Variants in MAPKAP1 observed in about 807,000 individuals in gnomAD.
The protein encoded by MAPKAP1 is MAPK associated protein 1.
MAPKAP1 carries 20 observed loss-of-function variants against 65.7 expected under a neutral mutation model. That is an observed-to-expected ratio of 0.30 (90% CI 0.21 to 0.44). The LOEUF (loss-of-function observed/expected upper bound fraction) is 0.44, where lower values mean the gene tolerates loss of function less well. MAPKAP1 is among the 20% of genes least tolerant of loss of function. The pLI, the probability that MAPKAP1 is intolerant of heterozygous loss-of-function variation, is 1.00. For synonymous variants in MAPKAP1, 222 were observed against 244.3 expected, an observed-to-expected ratio of 0.91 and a Z score of 0.85; for missense variants, 423 against 648.0, an observed-to-expected ratio of 0.65 and a Z score of 3.77.
chr9:125,538,912 T>C (rs898253174), intron 7 of MAPKAP1, among the ~76,000 whole-genome samples: 2 of 152,218 alleles, frequency 1.3e-5, no homozygotes, highest in African/African-American at 4.8e-5. Flanking sequence ...AAGATACAAC[T>C]TAAGAGTCCA....
At chr9:125,530,579 A>T (rs1829906291) in intron 7 of MAPKAP1, among the ~76,000 whole-genome samples, 1 of 152,254 alleles carries the variant, frequency 6.6e-6, no homozygotes, top group South Asian at 2.1e-4. Flanking sequence ...CTGATAAATA[A>T]GGCTTGTGAC....
chr9:125,507,044 GA>G (rs1055882732), intron 7 of MAPKAP1, among the ~76,000 whole-genome samples: 1 of 152,144 alleles, frequency 6.6e-6, no homozygotes, highest in African/African-American at 2.4e-5. Flanking sequence ...TTACGATGAT[GA>G]AAAGACAGTG....
At chr9:125,629,330 T>C (rs1462650199) in intron 4 of MAPKAP1, among the ~76,000 whole-genome samples, 3 of 152,176 alleles carry the variant, frequency 2.0e-5, no homozygotes, top group East Asian at 1.9e-4. Context: ...TTATTCACAA[T>C]AGCCAAGAAG....
intron 7 of MAPKAP1, among the ~76,000 whole-genome samples, chr9:125,515,801 C>A (rs1234972976): frequency 6.6e-6 from 1 of 152,144 alleles, no homozygotes; most frequent in Non-Finnish European, 1.5e-5. Context: ...GCAAGGGGGC[C>A]GGCCAGAAGA....
At chr9:125,596,883 T>C (rs1161036224) in intron 4 of MAPKAP1, among the ~76,000 whole-genome samples, 3 of 151,450 alleles carry the variant, frequency 2.0e-5, no homozygotes, top group South Asian at 4.2e-4. Context: ...CAAAGGATTT[T>C]AATGTAGATT....
chr9:125,529,460 C>T (rs1423312129), intron 7 of MAPKAP1, among the ~76,000 whole-genome samples: 2 of 147,270 alleles, frequency 1.4e-5, no homozygotes, highest in Admixed American at 6.8e-5. Flanking sequence ...TTCAGTTACA[C>T]ATTATCTTAA....
intron 7 of MAPKAP1, among the ~76,000 whole-genome samples, chr9:125,529,176 G>GGAAAAAAAAAAAAAAAAAAAAAAAAAAA: frequency 8.9e-6 from 1 of 111,880 alleles, no homozygotes; most frequent in Non-Finnish European, 1.7e-5. Context: ...CTCTATCTCA[G>GGAAAAAAAAAAAAAAAAAAAAAAAAAAA]GAAAAAAAAA....
chr9:125,514,727 C>T (rs1203181092), intron 7 of MAPKAP1, among the ~76,000 whole-genome samples: 2 of 152,142 alleles, frequency 1.3e-5, no homozygotes, highest in Non-Finnish European at 2.9e-5. Flanking sequence ...ACACAATCAG[C>T]TTTATATTTT....
intron 7 of MAPKAP1, among the ~76,000 whole-genome samples, chr9:125,540,165 A>G (rs1180415394): frequency 6.6e-6 from 1 of 152,224 alleles, no homozygotes; most frequent in African/African-American, 2.4e-5. Flanking sequence ...TACCTAAACA[A>G]AGAAGAGTTC....
intron 1 of MAPKAP1, among the ~76,000 whole-genome samples, chr9:125,699,919 T>G (rs1281842153): frequency 6.6e-6 from 1 of 152,162 alleles, no homozygotes; most frequent in Non-Finnish European, 1.5e-5. Context: ...CTGGCCCAGA[T>G]TTTGAATATT....
At chr9:125,523,057 T>C (rs571689672) in intron 7 of MAPKAP1, among the ~76,000 whole-genome samples, 1 of 152,292 alleles carries the variant, frequency 6.6e-6, no homozygotes, top group African/African-American at 2.4e-5. Context: ...ATAGGGAAAG[T>C]TGCACCAGTT....
chr9:125,450,019 T>G (rs1852882735), intron 10 of MAPKAP1, among the ~76,000 whole-genome samples: 2 of 151,886 alleles, frequency 1.3e-5, no homozygotes, highest in East Asian at 1.9e-4. Context: ...GCCTGCTGGG[T>G]TCAAGCGATT....
chr9:125,475,029 T>C lies in MAPKAP1; in HGVS notation c.1208-6920A>G, dbSNP rs1188139810. On this transcript the variant is annotated intron_variant, in intron 9 of 11. Transcript: ENST00000265960. ...GAGCAGTCAGGGAAGTCTTTGAAAC[T>C]TGTCTGAATTTACACACAAGATCAG... is the stretch of plus-strand genomic sequence containing the variant. 3.3e-5 allele frequency among the ~76,000 whole-genome samples: 5 copies of C among 152,190 alleles called. No individual in the cohort carries two copies. In the South Asian group the frequency reaches 6.2e-4, roughly 19 times the overall value.
chr9:125,642,958 A>ATG (rs1208305165), intron 4 of MAPKAP1, among the ~76,000 whole-genome samples: 10 of 143,772 alleles, frequency 7.0e-5, no homozygotes, highest in South Asian at 2.3e-4. Context: ...GGAGTGCAGC[A>ATG]GTGCAATCTC....
intron 10 of MAPKAP1, among the ~76,000 whole-genome samples, chr9:125,467,306 A>AT (rs1328031276): frequency 6.6e-6 from 1 of 152,218 alleles, no homozygotes; most frequent in Non-Finnish European, 1.5e-5. Context: ...CCTAAAAATG[A>AT]TTAAGTGATT....
chr9:125,577,666 GTCCGGGAGGGA>G (rs1831478090), intron 5 of MAPKAP1, among the ~76,000 whole-genome samples: 230 of 1,826 alleles, frequency 0.13, no homozygotes, highest in South Asian at 0.19. Context: ...GGAGGTGGGG[GTCCGGGAGGGA>G]GGTGGGGGGG....
chr9:125,451,263 A>G (rs145436230), intron 10 of MAPKAP1, among the ~76,000 whole-genome samples: 77 of 152,282 alleles, frequency 5.1e-4, no homozygotes, highest in African/African-American at 1.8e-3. Flanking sequence ...GACACTTCTT[A>G]AAGTCCTGGC....
intron 6 of MAPKAP1, among the ~76,000 whole-genome samples, chr9:125,548,874 G>A (rs1830503603): frequency 6.6e-6 from 1 of 152,146 alleles, no homozygotes; most frequent in Non-Finnish European, 1.5e-5. Flanking sequence ...AGAAAATTGA[G>A]GTTTGGCAAG....
chr9:125,702,652 G>A (rs893150024), intron 1 of MAPKAP1, among the ~76,000 whole-genome samples: 7 of 152,016 alleles, frequency 4.6e-5, no homozygotes, highest in African/African-American at 1.7e-4. Context: ...AAGAGTTCAA[G>A]ACCAGCCTGG....
Sources: allele counts gnomAD v4.1 joint callset (sites outside exome capture counted in the v4.1 genomes callset), GRCh38; gene constraint gnomAD v4.1.1; transcripts MANE v1.5; gene names NCBI Gene and HGNC (gene_info 2026-07-23, HGNC 2026-07-21).